The following UBE2E2 variants were observed in gnomAD, a reference collection of about 807,000 sequenced individuals.
The protein encoded by UBE2E2 is ubiquitin-conjugating enzyme E2 E2.
A neutral mutation model predicts 24.7 loss-of-function variants in UBE2E2; 6 were observed. The observed-to-expected ratio is 0.24, with a 90% CI of 0.13 to 0.48. The LOEUF (loss-of-function observed/expected upper bound fraction) is 0.48, where lower values mean the gene tolerates loss of function less well. UBE2E2 is among the 20% of genes least tolerant of loss of function. The pLI is 0.99. For missense variants in UBE2E2, 169 were observed against 245.0 expected, an observed-to-expected ratio of 0.69 and a Z score of 2.07; for synonymous variants, 104 against 83.6, an observed-to-expected ratio of 1.24 and a Z score of -1.33.
intron 4 of UBE2E2, among the ~76,000 whole-genome samples, chr3:23,516,587 G>T (rs1463834091): frequency 6.6e-6 from 1 of 152,100 alleles, no homozygotes; most frequent in African/African-American, 2.4e-5. Context: ...ATATCAAAGT[G>T]AAGACAAAAT....
intron 3 of UBE2E2, among the ~76,000 whole-genome samples, chr3:23,266,052 G>A (rs1457472443): frequency 6.6e-6 from 1 of 152,202 alleles, no homozygotes; most frequent in Non-Finnish European, 1.5e-5. Flanking sequence ...CTGCACGTGA[G>A]ATGGGTTCCC....
At chr3:23,285,066 C>G (rs1196301145) in intron 3 of UBE2E2, among the ~76,000 whole-genome samples, 4 of 151,988 alleles carry the variant, frequency 2.6e-5, no homozygotes, top group Non-Finnish European at 5.9e-5. Flanking sequence ...TCTTTCTACG[C>G]TCTGCCTCTA....
chr3:23,463,192 A>G (rs562466748), intron 3 of UBE2E2, among the ~76,000 whole-genome samples: 1 of 152,214 alleles, frequency 6.6e-6, no homozygotes, highest in South Asian at 2.1e-4. Context: ...TAAAACATTA[A>G]TTCTTTCAGA....
chr3:23,464,253 A>G (rs1162133891), intron 3 of UBE2E2, among the ~76,000 whole-genome samples: 1 of 152,172 alleles, frequency 6.6e-6, no homozygotes, highest in Non-Finnish European at 1.5e-5. Flanking sequence ...TGTACTTACT[A>G]GTTTTATCTA....
chr3:23,267,646 T>G (rs1255880649), intron 3 of UBE2E2, among the ~76,000 whole-genome samples: 2 of 151,986 alleles, frequency 1.3e-5, no homozygotes, highest in Non-Finnish European at 2.9e-5. Flanking sequence ...ACTGGTACCA[T>G]TCCTTCTGAA....
intron 3 of UBE2E2, among the ~76,000 whole-genome samples, chr3:23,370,263 T>A (rs57234542): frequency 0.29 from 43,849 of 152,088 alleles, 6,544 homozygotes; most frequent in East Asian, 0.36. Context: ...CCTTTCTGTC[T>A]TTAAGTTTGT....
intron 3 of UBE2E2, among the ~76,000 whole-genome samples, chr3:23,271,424 A>G (rs1175279976): frequency 6.6e-6 from 1 of 152,184 alleles, no homozygotes; most frequent in Non-Finnish European, 1.5e-5. Context: ...TTTATTGCAA[A>G]GAGCCAAAGA....
rs779214252 is a variant in UBE2E2 at position 23,274,849 on chromosome 3, TC to T, written c.227+57540del. On this transcript the variant is annotated intron_variant, in intron 3 of 5. Coordinates refer to ENST00000396703, the MANE Select transcript of UBE2E2 (RefSeq NM_152653.4). ...ATAAATGGAGTGATGTCAAATAGTA[TC>T]CCTTTTTTTTGAAGAGTTTTGATAA... Among the ~76,000 whole-genome samples, 7 of 152,278 alleles carry T rather than the reference TC, an allele frequency of 4.6e-5. No individual in the cohort carries two copies. In the East Asian group the frequency reaches 7.7e-4, roughly 17 times the overall value.
intron 3 of UBE2E2, among the ~76,000 whole-genome samples, chr3:23,382,355 T>C (rs149829304): frequency 0.063 from 9,560 of 151,936 alleles, 461 homozygotes; most frequent in Non-Finnish European, 0.087. Flanking sequence ...CTAATTTTTG[T>C]ATTTTTAGTA....
intron 3 of UBE2E2, among the ~76,000 whole-genome samples, chr3:23,394,745 G>A (rs1176375814): frequency 2.6e-5 from 4 of 152,172 alleles, no homozygotes; most frequent in African/African-American, 9.7e-5. Flanking sequence ...CTAAGAAGGA[G>A]TGGTCCAGGT....
chr3:23,550,724 G>A (rs956149257), intron 5 of UBE2E2, among the ~76,000 whole-genome samples: 2 of 152,124 alleles, frequency 1.3e-5, no homozygotes, highest in Non-Finnish European at 2.9e-5. Flanking sequence ...ATTGTCCCCA[G>A]CTTACTGCCT....
chr3:23,260,368 A>G (rs920147630), intron 3 of UBE2E2, among the ~76,000 whole-genome samples: 6 of 152,234 alleles, frequency 3.9e-5, no homozygotes. Context: ...ACTTTTAATT[A>G]AAAGACTGTA....
chr3:23,404,328 C>G (rs935225848), intron 3 of UBE2E2, among the ~76,000 whole-genome samples: 7 of 152,168 alleles, frequency 4.6e-5, no homozygotes, highest in Admixed American at 2.0e-4. Flanking sequence ...CTCTCTGCCT[C>G]CATGCTTAGC....
rs185758080 is a variant in UBE2E2, at chr3:23,301,979, C to A, written c.227+84667C>A. ...ATTTCTTAGTTTCTTTGTCTTTAAT[C>A]ATTTTCCTGATAATTCAGACTTGTG... On this transcript the variant is annotated intron_variant, in intron 3 of 5. Transcript: ENST00000396703. 5.3e-5 allele frequency among the ~76,000 whole-genome samples: 8 copies of A among 151,100 alleles called. 1 individual carries two copies. The highest frequency in any genetic ancestry group is 4.6e-4 in the Admixed American group (7 of 15,236).
At chr3:23,386,341 T>G (rs1438533440) in intron 3 of UBE2E2, among the ~76,000 whole-genome samples, 1 of 152,132 alleles carries the variant, frequency 6.6e-6, no homozygotes, top group Non-Finnish European at 1.5e-5. Flanking sequence ...CTCAAGCTTC[T>G]TTTCTAAGGG....
At chr3:23,426,191 A>C (rs80168048) in intron 3 of UBE2E2, among the ~76,000 whole-genome samples, 4,403 of 152,288 alleles carry the variant, frequency 0.029, 109 homozygotes, top group East Asian at 0.13. Flanking sequence ...GAAACTTCCA[A>C]GATAGAAAAG....
intron 4 of UBE2E2, among the ~76,000 whole-genome samples, chr3:23,527,757 G>A (rs999006076): frequency 1.3e-5 from 2 of 152,036 alleles, no homozygotes; most frequent in Non-Finnish European, 2.9e-5. Flanking sequence ...AGAGGTTCTG[G>A]GTTGCTGAAC....
chr3:23,299,975 G>A (rs555875114), intron 3 of UBE2E2, among the ~76,000 whole-genome samples: 2,393 of 152,074 alleles, frequency 0.016, 65 homozygotes, highest in African/African-American at 0.054. Flanking sequence ...CTCCTGTATT[G>A]GGTGCATATA....
chr3:23,344,900 A>G (rs925987069), intron 3 of UBE2E2, among the ~76,000 whole-genome samples: 2 of 152,152 alleles, frequency 1.3e-5, no homozygotes, highest in Non-Finnish European at 2.9e-5. Flanking sequence ...TAATGAGGAA[A>G]GATTTTTTTT....
Sources: allele counts gnomAD v4.1 joint callset (sites outside exome capture counted in the v4.1 genomes callset), GRCh38; gene constraint gnomAD v4.1.1; transcripts MANE v1.5; gene names NCBI Gene and HGNC (gene_info 2026-07-23, HGNC 2026-07-21).